SGCZ: variants seen among roughly 807,000 people sequenced by gnomAD.
SGCZ encodes the protein zeta-sarcoglycan.
SGCZ carries 40 observed loss-of-function variants against 41.3 expected under a neutral mutation model. The ratio of observed to expected loss-of-function variants is 0.97; its 90% CI spans 0.75 to 1.26. The LOEUF (loss-of-function observed/expected upper bound fraction) is 1.26. Among genes scored for constraint, SGCZ ranks in the 50% most tolerant of loss-of-function variants. The pLI is 0.00. For synonymous variants in SGCZ, 206 were observed against 137.5 expected (o/e 1.50, Z -3.49); for missense variants, 552 against 369.8 (o/e 1.49, Z -4.04).
chr8:14,919,372 C>T (rs932900962), intron 1 of SGCZ, among the ~76,000 whole-genome samples: 2 of 151,870 alleles, frequency 1.3e-5, no homozygotes, highest in African/African-American at 4.8e-5. Context: ...ACCCGGGAGG[C>T]GGAGGTTACA....
chr8:15,006,183 C>T (rs966013979), intron 1 of SGCZ, among the ~76,000 whole-genome samples: 1 of 152,054 alleles, frequency 6.6e-6, no homozygotes, highest in African/African-American at 2.4e-5. Flanking sequence ...AATTACACAA[C>T]GTGGAAGAAT....
intron 1 of SGCZ, among the ~76,000 whole-genome samples, chr8:14,991,521 A>G (rs1364512902): frequency 6.6e-6 from 1 of 152,064 alleles, no homozygotes; most frequent in African/African-American, 2.4e-5. Flanking sequence ...CTCAACTTTC[A>G]TGTCATCTGG....
chr8:14,598,361 C>A (rs983336049), intron 1 of SGCZ, among the ~76,000 whole-genome samples: 13 of 151,814 alleles, frequency 8.6e-5, no homozygotes, highest in African/African-American at 3.1e-4. Flanking sequence ...AACATTTAGT[C>A]ATATTTGTTA....
At chr8:15,110,846 T>G (rs1163394233) in intron 1 of SGCZ, among the ~76,000 whole-genome samples, 1 of 152,054 alleles carries the variant, frequency 6.6e-6, no homozygotes, top group East Asian at 1.9e-4. Flanking sequence ...CATGCACCTG[T>G]AATCCCAGCT....
At chr8:14,352,621 G>A (rs913260953) in intron 2 of SGCZ, among the ~76,000 whole-genome samples, 2 of 152,086 alleles carry the variant, frequency 1.3e-5, no homozygotes, top group Non-Finnish European at 2.9e-5. Context: ...GTGTCCTCTG[G>A]CTTGGGTAAC....
At chr8:14,208,960 C>T (rs540154668) in intron 4 of SGCZ, among the ~76,000 whole-genome samples, 3 of 152,224 alleles carry the variant, frequency 2.0e-5, no homozygotes, top group Admixed American at 6.5e-5. Flanking sequence ...TAAAATCAAG[C>T]TGCAGACATG....
At chr8:14,381,330 C>A (rs1439068924) in intron 2 of SGCZ, among the ~76,000 whole-genome samples, 1 of 152,154 alleles carries the variant, frequency 6.6e-6, no homozygotes, top group Non-Finnish European at 1.5e-5. Flanking sequence ...TAAAAACATA[C>A]AACCTTCTAC....
rs33909996 is a variant in SGCZ at position 14,676,346 on chromosome 8, ATG to A, written c.40-121422_40-121421del. Among the ~76,000 whole-genome samples the A allele has an allele frequency of 2.7e-3, 401 of 149,322 alleles. 5 individuals are homozygous for A. The highest frequency in any genetic ancestry group is 0.022 in the South Asian group (102 of 4,684). On this transcript the variant is annotated intron_variant, in intron 1 of 7. Transcript: ENST00000382080. ...TCCCACCTCTACAAAAATGAAATAG[ATG>A]TGTGTGTGTGTGTGTGTGTGTATCT...
intron 1 of SGCZ, among the ~76,000 whole-genome samples, chr8:15,132,434 C>A (rs995709715): frequency 6.6e-6 from 1 of 152,128 alleles, no homozygotes; most frequent in Admixed American, 6.5e-5. Context: ...CCATCACATG[C>A]CTCATGGAGA....
intron 2 of SGCZ, among the ~76,000 whole-genome samples, chr8:14,500,507 CA>C (rs1802120107): frequency 6.6e-6 from 1 of 151,166 alleles, no homozygotes; most frequent in South Asian, 2.1e-4. Flanking sequence ...TTTAAGTAGA[CA>C]AAATGGTTCT....
intron 2 of SGCZ, among the ~76,000 whole-genome samples, chr8:14,444,376 G>A (rs139631944): frequency 2.0e-5 from 3 of 151,804 alleles, no homozygotes; most frequent in South Asian, 2.1e-4. Context: ...TGTTTATTGC[G>A]GCACTATTCA....
intron 1 of SGCZ, among the ~76,000 whole-genome samples, chr8:14,781,710 G>A (rs766355412): frequency 9.2e-5 from 14 of 152,036 alleles, no homozygotes; most frequent in Non-Finnish European, 2.1e-4. Context: ...CTCATAAATT[G>A]AAAATATCAA....
chr8:14,881,929 A>C (rs1232653017), intron 1 of SGCZ, among the ~76,000 whole-genome samples: 2 of 152,196 alleles, frequency 1.3e-5, no homozygotes, highest in Non-Finnish European at 2.9e-5. Flanking sequence ...AACTCACTCA[A>C]AACCAAAGAA....
intron 1 of SGCZ, among the ~76,000 whole-genome samples, chr8:15,101,111 C>T (rs186109682): frequency 2.3e-4 from 35 of 152,232 alleles, no homozygotes; most frequent in East Asian, 7.8e-4. Context: ...TAACTCGAAT[C>T]GTAGACCTAA....
intron 1 of SGCZ, among the ~76,000 whole-genome samples, chr8:14,596,724 G>A (rs2117300521): frequency 6.6e-6 from 1 of 152,026 alleles, no homozygotes; most frequent in Admixed American, 6.6e-5. Context: ...AAATCATGTG[G>A]GGCTTAAAAC....
At chr8:14,897,150 T>G (rs1051082188) in intron 1 of SGCZ, among the ~76,000 whole-genome samples, 3 of 152,148 alleles carry the variant, frequency 2.0e-5, no homozygotes. Context: ...ATTATTAGCT[T>G]GATAGTGTTA....
intron 7 of SGCZ, among the ~76,000 whole-genome samples, chr8:14,091,487 T>C (rs558019618): frequency 9.2e-5 from 14 of 152,228 alleles, no homozygotes; most frequent in African/African-American, 2.9e-4. Flanking sequence ...CCAGCATCTG[T>C]TGTTTCCTGA....
chr8:15,227,624 A>T (rs1011206904), intron 1 of SGCZ, among the ~76,000 whole-genome samples: 1 of 152,218 alleles, frequency 6.6e-6, no homozygotes, highest in African/African-American at 2.4e-5. Context: ...TAACATTCTC[A>T]AATTGTAGTT....
intron 5 of SGCZ, among the ~76,000 whole-genome samples, chr8:14,127,826 C>G (rs2117050125): frequency 6.6e-6 from 1 of 152,204 alleles, no homozygotes; most frequent in Non-Finnish European, 1.5e-5. Flanking sequence ...TAGGTAAACT[C>G]ATGTCACAGG....
Sources: allele counts gnomAD v4.1 joint callset (sites outside exome capture counted in the v4.1 genomes callset), GRCh38; gene constraint gnomAD v4.1.1; transcripts MANE v1.5; gene names NCBI Gene and HGNC (gene_info 2026-07-23, HGNC 2026-07-21).